CACNA2D2: variants seen among roughly 807,000 people sequenced by gnomAD.
CACNA2D2 encodes calcium voltage-gated channel auxiliary subunit alpha2delta 2.
CACNA2D2 carries 48 observed loss-of-function variants against 166.4 expected under a neutral mutation model. The observed-to-expected ratio is 0.29, with a 90% CI of 0.23 to 0.37. The LOEUF is 0.37. CACNA2D2 is among the 10% of genes least tolerant of loss of function. The pLI is 1.00. For synonymous variants in CACNA2D2, 561 were observed against 573.7 expected, an observed-to-expected ratio of 0.98 and a Z score of 0.32; for missense variants, 1,122 against 1,433.0, an observed-to-expected ratio of 0.78 and a Z score of 3.50.
intron 22 of CACNA2D2, 102 bp from the exon 23 acceptor site, chr3:50,370,482 A>AGGGGGGGGGGGGG: frequency 2.4e-5 from 2 of 83,440 alleles, no homozygotes; most frequent in South Asian, 1.1e-4. Context: ...GGGGGGCTGG[A>AGGGGGGGGGGGGG]GGGAGGGGGA....
At chr3:50,475,135 A>C (rs1337226955) in intron 2 of CACNA2D2, among the ~76,000 whole-genome samples, 1 of 152,132 alleles carries the variant, frequency 6.6e-6, no homozygotes, top group Non-Finnish European at 1.5e-5. Flanking sequence ...GGCACCAGCT[A>C]TAAGCTAAGC....
chr3:50,411,400 C>T (rs899825193), intron 3 of CACNA2D2, among the ~76,000 whole-genome samples: 4 of 152,174 alleles, frequency 2.6e-5, no homozygotes, highest in Admixed American at 2.6e-4. Context: ...TCAGATCTGG[C>T]CCCACCAGAG....
At chr3:50,453,425 C>G (rs1052271970) in intron 2 of CACNA2D2, among the ~76,000 whole-genome samples, 2 of 152,224 alleles carry the variant, frequency 1.3e-5, no homozygotes, top group African/African-American at 4.8e-5. Flanking sequence ...CCCACCAGTG[C>G]CAAATCCTGG....
rs890687486 is a variant in CACNA2D2, at chr3:50,375,846, T to A, written c.1808A>T (p.His603Leu). 1.9e-6 allele frequency: 3 copies of A among 1,613,036 alleles called. No individual in the cohort carries two copies. The highest frequency in any genetic ancestry group is 2.5e-6 in the Non-Finnish European group (3 of 1,179,990). The change falls in exon 20 of 38, where the codon CAC (histidine) becomes CTC (leucine). Residue 603 changes from histidine (H) to leucine (L), a missense_variant. His to Leu is a moderately conservative substitution (Grantham distance 99). Around this residue, in one of 2 missense-constraint regions of CACNA2D2, gnomAD observed 840 missense variants for 1,166.8 expected, o/e 0.72. Transcript: ENST00000424201. The surrounding 1 kb of genome is among the most constrained non-coding windows in gnomAD (Gnocchi z 4.0). ...RRSMIDGNKG[H>L]KQIRTLVKSL... ...CTTGACCAACGTTCTGATCTGCTTG[T>A]GGCCCTTGTTGCCATCAATCATGCT...
chr3:50,485,397 C>G (rs1698235167), intron 1 of CACNA2D2, among the ~76,000 whole-genome samples: 1 of 152,270 alleles, frequency 6.6e-6, no homozygotes, highest in South Asian at 2.1e-4. Flanking sequence ...GCAGCAAGAT[C>G]ATTCACCTTT....
intron 5 of CACNA2D2, 40 bp downstream of exon 5, chr3:50,387,528 A>T: frequency 6.3e-7 from 1 of 1,585,254 alleles, no homozygotes; most frequent in African/African-American, 1.3e-5. Context: ...AAGGCCACCA[A>T]GGCCCAGCAA....
At chr3:50,386,963 G>A (rs931555462) in intron 5 of CACNA2D2, among the ~76,000 whole-genome samples, 3 of 152,162 alleles carry the variant, frequency 2.0e-5, no homozygotes, top group East Asian at 1.9e-4. Context: ...GCTTTCACAC[G>A]AGTCTTCTGG....
chr3:50,432,561 C>A (rs1708121851), intron 3 of CACNA2D2, among the ~76,000 whole-genome samples: 2 of 152,150 alleles, frequency 1.3e-5, no homozygotes, highest in Admixed American at 6.5e-5. Flanking sequence ...CCAGGCACGC[C>A]CAGTTCAGAA....
chr3:50,376,492 G>A lies in CACNA2D2; in HGVS notation c.1627-304C>T, dbSNP rs900737157. ...TTGTCCTGACCTCTCTGCCACCACC[G>A]GCCCCACAGGTCTGCTGCTTCTGTA... is the stretch of plus-strand genomic sequence containing the variant. On this transcript the variant is annotated intron_variant, in intron 17 of 37. Transcript: ENST00000424201. This position sits in a 1 kb window ranked among gnomAD's most constrained non-coding sequence, Gnocchi z 4.3. Among the ~76,000 whole-genome samples, 51 of 152,040 alleles carry A rather than the reference G, an allele frequency of 3.4e-4. No homozygotes were observed. The highest frequency in any genetic ancestry group is 2.4e-4 in the Non-Finnish European group (16 of 67,986).
intron 2 of CACNA2D2, among the ~76,000 whole-genome samples, chr3:50,452,834 C>A (rs1236869200): frequency 6.6e-6 from 1 of 152,188 alleles, no homozygotes; most frequent in East Asian, 1.9e-4. Flanking sequence ...CAGGCCAAGA[C>A]CCTGACAGCA....
At chr3:50,395,139 T>A (rs1031718508) in intron 3 of CACNA2D2, among the ~76,000 whole-genome samples, 1 of 152,160 alleles carries the variant, frequency 6.6e-6, no homozygotes, top group Non-Finnish European at 1.5e-5. Context: ...TGATGTCCTG[T>A]CAATCATAAT....
intron 4 of CACNA2D2, among the ~76,000 whole-genome samples, chr3:50,388,005 C>A (rs1042948794): frequency 2.0e-5 from 3 of 152,214 alleles, no homozygotes; most frequent in Admixed American, 1.3e-4. Flanking sequence ...CTCGACGCCG[C>A]ATCTTCCAAT....
At chr3:50,480,947 G>A (rs1430596203) in intron 1 of CACNA2D2, among the ~76,000 whole-genome samples, 1 of 13,476 alleles carries the variant, frequency 7.4e-5, no homozygotes. Context: ...AGGGGGAGGA[G>A]GGGATGGGGA....
At chr3:50,470,863 A>G (rs1710054499) in intron 2 of CACNA2D2, among the ~76,000 whole-genome samples, 1 of 152,116 alleles carries the variant, frequency 6.6e-6, no homozygotes, top group Non-Finnish European at 1.5e-5. Flanking sequence ...ATGCTCGAGC[A>G]GCGGCCTCAC....
intron 2 of CACNA2D2, among the ~76,000 whole-genome samples, chr3:50,466,984 A>G (rs540249399): frequency 5.9e-5 from 9 of 152,158 alleles, no homozygotes; most frequent in Non-Finnish European, 1.0e-4. Context: ...CTGGGTTTAA[A>G]AAGCTGGGAA....
chr3:50,408,188 C>T (rs1431891611), intron 3 of CACNA2D2, among the ~76,000 whole-genome samples: 1 of 152,252 alleles, frequency 6.6e-6, no homozygotes, highest in Non-Finnish European at 1.5e-5. Flanking sequence ...CTGAATCCAG[C>T]TTTGTCCATG....
chr3:50,474,948 A>T (rs565062292), intron 2 of CACNA2D2, among the ~76,000 whole-genome samples: 1 of 152,310 alleles, frequency 6.6e-6, no homozygotes, highest in East Asian at 1.9e-4. Context: ...AGCAACCAGG[A>T]AAGGGGTGTT....
chr3:50,500,997 AGGGGCCTT>A (rs1698940381), intron 1 of CACNA2D2, among the ~76,000 whole-genome samples: 1 of 152,098 alleles, frequency 6.6e-6, no homozygotes, highest in Non-Finnish European at 1.5e-5. Context: ...CTTGCTCATC[AGGGGCCTT>A]CCCCACTGAG....
chr3:50,480,347 T>C (rs1697991407), intron 1 of CACNA2D2, among the ~76,000 whole-genome samples: 1 of 152,084 alleles, frequency 6.6e-6, no homozygotes, highest in Non-Finnish European at 1.5e-5. Context: ...TTTTTAATGG[T>C]CAAATCCACA....
Sources: gnomAD v4.1 joint callset for allele counts (sites outside exome capture counted in the v4.1 genomes callset) on GRCh38, gnomAD v4.1.1 for gene constraint, gnomAD v4.1.1 regional missense constraint, Gnocchi (gnomAD v3.1) non-coding constraint, MANE v1.5 for transcripts, NCBI Gene and HGNC (gene_info 2026-07-23, HGNC 2026-07-21) for gene names.